Variants in LCT observed in about 807,000 individuals in gnomAD.
LCT encodes the protein lactase/phlorizin hydrolase.
Under a neutral mutation model 173.0 loss-of-function variants are expected in LCT, and 90 were observed. The observed-to-expected ratio is 0.52, with a 90% CI of 0.44 to 0.62. The LOEUF (loss-of-function observed/expected upper bound fraction) is 0.62. Ranked by LOEUF, LCT falls within the 20% of genes least tolerant of loss-of-function variation. LCT has a pLI of 0.00. For synonymous variants in LCT, 853 were observed against 957.6 expected, an observed-to-expected ratio of 0.89 and a Z score of 2.02; for missense variants, 1,864 against 2,431.4, an observed-to-expected ratio of 0.77 and a Z score of 4.91.
intron 9 of LCT, among the ~76,000 whole-genome samples, 176 bp downstream of exon 9, chr2:135,806,952 T>C (rs987648377): frequency 6.6e-6 from 1 of 152,030 alleles, no homozygotes; most frequent in Non-Finnish European, 1.5e-5. Flanking sequence ...CTGGGTAAAT[T>C]TGGGGGTGTG....
At chr2:135,807,467 C>T in intron 8 of LCT, 71 bp from the exon 9 acceptor site, 1 of 1,384,612 alleles carries the variant, frequency 7.2e-7, no homozygotes, top group Non-Finnish European at 1.0e-6. Flanking sequence ...ACCCAACCCA[C>T]TGCCAGCTCC....
intron 14 of LCT, among the ~76,000 whole-genome samples, chr2:135,792,836 A>G (rs1432705666): frequency 2.6e-5 from 4 of 151,788 alleles, no homozygotes; most frequent in Non-Finnish European, 5.9e-5. Context: ...AAAGACATAA[A>G]CTCTTGGGAG....
chr2:135,801,042 G>C (rs1433217172), intron 11 of LCT, among the ~76,000 whole-genome samples: 7 of 152,184 alleles, frequency 4.6e-5, no homozygotes, highest in South Asian at 4.1e-4. Flanking sequence ...AGCAGAGAGT[G>C]CTTGTGAGAG....
intron 6 of LCT, 53 bp downstream of exon 6, chr2:135,817,288 C>T: frequency 1.9e-6 from 3 of 1,577,048 alleles, no homozygotes; most frequent in Non-Finnish European, 2.6e-6. Flanking sequence ...GACTTTCTTC[C>T]AGCCAATGTC....
At position 135,812,956 on chromosome 2, in the gene LCT, C is replaced by T. The variant is rs2077747982; in HGVS notation, c.1708G>A (p.Val570Met). 6.2e-7 allele frequency: 1 copy of T among 1,613,710 alleles called. No individual in the cohort carries two copies. Among genetic ancestry groups the T allele is most frequent in the South Asian group, 1.1e-5 (1 of 91,022 alleles). The change falls in exon 7 of 17, where the codon GTG becomes ATG. Residue 570 changes from valine to methionine, a missense_variant and splice_region_variant. Transcript: ENST00000264162. Reference sequence around the variant, plus strand: ...TGAGCCTTGAGGACCAAGTGAGCCACCTTGTGAAAAAGTAAGAAGGAAATA... The same window carrying T: ...TGAGCCTTGAGGACCAAGTGAGCCATCTTGTGAAAAAGTAAGAAGGAAATA... ...ISDPGVASFK[V>M]AHLVLKAHAR...
chr2:135,800,529 T>G, intron 12 of LCT, 78 bp downstream of exon 12: 1 of 1,245,578 alleles, frequency 8.0e-7, no homozygotes, highest in Non-Finnish European at 1.2e-6. Context: ...CCTAAATCTT[T>G]GATTCACAAT....
chr2:135,790,733 G>A lies in LCT; in HGVS notation c.5260C>T (p.Gln1754Ter), dbSNP rs2077527547. The change falls in exon 15 of 17, where the codon CAG (glutamine) becomes TAG (stop). Residue 1754 changes from glutamine (Q) to a stop codon, truncating the protein, a stop_gained. Transcript: ENST00000264162. LOFTEE classifies it high-confidence loss of function. The surrounding 1 kb of genome is among the most constrained non-coding windows in gnomAD (Gnocchi z 4.1). ...TCATTGAGGTCTGTTTCTTCCCGCT[G>A]GGACACTCCATTCTCTGTGACATAA... ...PIYVTENGVS[Q>*]REETDLNDTA... The A allele has an allele frequency of 6.2e-7, 1 of 1,613,638 alleles. No individual in the cohort carries two copies. Among genetic ancestry groups the A allele is most frequent in the Non-Finnish European group, 8.5e-7 (1 of 1,179,784 alleles).
At chr2:135,799,815 CT>C (rs2077611220) in intron 12 of LCT, among the ~76,000 whole-genome samples, 1 of 152,170 alleles carries the variant, frequency 6.6e-6, no homozygotes, top group Non-Finnish European at 1.5e-5. Context: ...TGTTCTTAAA[CT>C]CATTGAGTTG....
chr2:135,813,425 C>A (rs900152463), intron 6 of LCT, among the ~76,000 whole-genome samples: 2 of 152,220 alleles, frequency 1.3e-5, no homozygotes, highest in Non-Finnish European at 2.9e-5. Flanking sequence ...GTCAACAAGT[C>A]AACAGCAATT....
chr2:135,829,269 C>T (rs889869867), intron 3 of LCT, among the ~76,000 whole-genome samples: 6 of 152,106 alleles, frequency 3.9e-5, no homozygotes, highest in Non-Finnish European at 8.8e-5. Flanking sequence ...ATGGAACCAT[C>T]ACCCCCATTG....
In LCT at chr2:135,809,138, G is replaced by A; in HGVS notation, c.3209C>T (p.Ala1070Val). Residue 1070 changes from alanine to valine, a missense_variant, in exon 8 of 17, where the codon GCA (alanine) becomes GTA (valine). By Grantham distance (64) the Ala-to-Val change is moderately conservative. Transcript: ENST00000264162. This position sits in a 1 kb window ranked among gnomAD's most constrained non-coding sequence, Gnocchi z 5.5. ...WMTFNEPMYL[A>V]WLGYGSGEFP... ...TTCCCCTGAGCCATAACCTAGCCAT[G>A]CCAGGTACATGGGCTCATTAAAAGT... 1.2e-6 allele frequency: 2 copies of A among 1,614,196 alleles called. No individual in the cohort carries two copies. The highest frequency in any genetic ancestry group is 1.7e-6 in the Non-Finnish European group (2 of 1,180,038).
At position 135,807,339 on chromosome 2, in the gene LCT, T is replaced by G. The variant is rs200205294; in HGVS notation, c.3962A>C (p.Asn1321Thr). ...RGYVAWSLMD[N>T]FEWLNGYTVK... ...CGTGTAGCCATTTAGCCACTCAAAG[T>G]TGTCCATCAGAGACCAGGCGACATA... Residue 1321 changes from asparagine to threonine, a missense_variant, in exon 9 of 17, where the codon AAC becomes ACC. Transcript: ENST00000264162. 1.3e-5 allele frequency: 21 copies of G among 1,614,182 alleles called. No individual in the cohort carries two copies. The highest frequency in any genetic ancestry group is 1.8e-5 in the Non-Finnish European group (21 of 1,180,030).
chr2:135,823,855 G>T, intron 4 of LCT, 46 bp downstream of exon 4: 2 of 1,259,296 alleles, frequency 1.6e-6, no homozygotes, highest in Non-Finnish European at 2.3e-6. Context: ...TAGCACACCA[G>T]TGCACCAGAT....
intron 3 of LCT, among the ~76,000 whole-genome samples, chr2:135,828,923 G>T (rs2077909123): frequency 6.6e-6 from 1 of 152,166 alleles, no homozygotes; most frequent in Admixed American, 6.5e-5. Flanking sequence ...AGGTGTGGTG[G>T]CTCACGCCTG....
intron 13 of LCT, among the ~76,000 whole-genome samples, chr2:135,797,750 T>C (rs1380684178): frequency 6.6e-6 from 1 of 152,080 alleles, no homozygotes; most frequent in Non-Finnish European, 1.5e-5. Flanking sequence ...TGAAATAGGA[T>C]AGGATGAGCT....
intron 14 of LCT, among the ~76,000 whole-genome samples, chr2:135,793,903 TACTAAAA>T (rs2077554781): frequency 6.7e-6 from 1 of 148,984 alleles, no homozygotes; most frequent in African/African-American, 2.5e-5. Context: ...ACCCTGTCTC[TACTAAAA>T]ACACAAAATT....
chr2:135,807,343 C>T lies in LCT; in HGVS notation c.3958G>A (p.Asp1320Asn). The T allele has an allele frequency of 6.2e-7, 1 of 1,614,126 alleles. No individual in the cohort carries two copies. Among genetic ancestry groups the T allele is most frequent in the Non-Finnish European group, 8.5e-7 (1 of 1,179,996 alleles). ...TAGCCATTTAGCCACTCAAAGTTGT[C>T]CATCAGAGACCAGGCGACATACCCT... ...LRGYVAWSLMDNFEWLNGYTV... is the reference protein window; with the variant it reads ...LRGYVAWSLMNNFEWLNGYTV... The change falls in exon 9 of 17, where the codon GAC becomes AAC. Residue 1320 changes from aspartate to asparagine, a missense_variant. Physicochemically the swap from Asp to Asn is conservative, Grantham distance 23. Coordinates refer to ENST00000264162, the MANE Select transcript of LCT (RefSeq NM_002299.4).
At chr2:135,813,346 A>G (rs1237709063) in intron 6 of LCT, among the ~76,000 whole-genome samples, 3 of 152,204 alleles carry the variant, frequency 2.0e-5, no homozygotes, top group Non-Finnish European at 4.4e-5. Context: ...ACAAGTGAAC[A>G]CCAATGTGAA....
Position 135,788,147 on chromosome 2 carries a change from T to C in LCT, c.*177A>G, listed in dbSNP as rs1203882066. On this transcript the variant is annotated 3_prime_UTR_variant, in exon 17 of 17. Transcript: ENST00000264162. ...CTGATACTGGAGCAAGATGGAGATA[T>C]TTCCATTTTACTCAGCAAGTCGAAA... is the stretch of plus-strand genomic sequence containing the variant. The C allele has an allele frequency of 3.0e-6, 2 of 660,084 alleles. No individual in the cohort carries two copies. Among genetic ancestry groups the C allele is most frequent in the Non-Finnish European group, 5.4e-6 (2 of 370,838 alleles). 40.9% of individuals were successfully genotyped at this position (660,084 alleles called of 1,614,324 possible). A position where few individuals can be genotyped will look rare whatever the true frequency, so the allele number is the denominator to read the frequency against.
Sources: allele counts gnomAD v4.1 joint callset (sites outside exome capture counted in the v4.1 genomes callset), GRCh38; gene constraint gnomAD v4.1.1; non-coding constraint Gnocchi (gnomAD v3.1); transcripts MANE v1.5; gene names NCBI Gene and HGNC (gene_info 2026-07-23, HGNC 2026-07-21).